The following ADGRG7 variants were observed in gnomAD, a reference collection of about 807,000 sequenced individuals.
ADGRG7 encodes G-protein coupled receptor 128.
A neutral mutation model predicts 88.6 loss-of-function variants in ADGRG7; 82 were observed. The observed-to-expected ratio is 0.93, with a 90% CI of 0.77 to 1.11. The LOEUF is 1.11. Among genes scored for constraint, ADGRG7 ranks in the 50% most tolerant of loss-of-function variants. ADGRG7 has a pLI of 0.00. For missense variants in ADGRG7, 945 were observed against 953.4 expected (o/e 0.99, Z 0.12); for synonymous variants, 381 against 345.2 (o/e 1.10, Z -1.15).
intron 13 of ADGRG7, among the ~76,000 whole-genome samples, chr3:100,657,520 T>G (rs772077067): frequency 6.6e-6 from 1 of 152,202 alleles, no homozygotes; most frequent in Non-Finnish European, 1.5e-5. Context: ...ACCACTGCTA[T>G]GTAGGCCATT....
intron 1 of ADGRG7, among the ~76,000 whole-genome samples, chr3:100,622,254 C>T (rs1707321715): frequency 8.9e-6 from 1 of 112,900 alleles, no homozygotes. Context: ...GTAAGTCTCT[C>T]TCTATATTCA....
At position 100,655,121 on chromosome 3, in the gene ADGRG7, A is replaced by ATAAG; in HGVS notation, c.1667_1670dup (p.Arg557SerfsTer41). On this transcript the variant is annotated frameshift_variant, in exon 12 of 16. Coordinates refer to ENST00000273352, the MANE Select transcript of ADGRG7 (RefSeq NM_032787.3). LOFTEE classifies it high-confidence loss of function. ...CGCTGCACAGCTCTATTACCTTCTAATAAGGACCATGAAGCCTCTTCCTCG... is the reference window on the plus strand; with the variant it reads ...CGCTGCACAGCTCTATTACCTTCTAATAAGTAAGGACCATGAAGCCTCTTCCTCG... 6.2e-7 allele frequency: 1 copy of ATAAG among 1,614,080 alleles called. No homozygotes were observed. The highest frequency in any genetic ancestry group is 1.1e-5 in the South Asian group (1 of 91,062).
intron 4 of ADGRG7, among the ~76,000 whole-genome samples, chr3:100,633,742 G>A (rs994757723): frequency 4.6e-5 from 7 of 152,044 alleles, no homozygotes; most frequent in African/African-American, 1.7e-4. Context: ...GGCTGGTCTC[G>A]AACTCCTGAC....
rs1032030156 is a variant in ADGRG7 at position 100,694,750 on chromosome 3, C to T, written c.2143C>T (p.Gln715Ter). The T allele has an allele frequency of 6.2e-7, 1 of 1,613,094 alleles. No individual in the cohort carries two copies. The highest frequency in any genetic ancestry group is 8.5e-7 in the Non-Finnish European group (1 of 1,179,312). The stretch of plus-strand genomic sequence containing the variant: ...ACTTTTGTTCTATCTGCAGGGATTG[C>T]AAATTTTTATCCTGTACACTGTTAG... ...FCLFNTTQGLQIFILYTVRTK... is the reference protein window; with the variant it reads ...FCLFNTTQGL The change falls in exon 16 of 16, where the codon CAA (glutamine) becomes TAA (stop). Residue 715 changes from glutamine (Q) to a stop codon, truncating the protein, a stop_gained. Coordinates refer to ENST00000273352, the MANE Select transcript of ADGRG7 (RefSeq NM_032787.3). LOFTEE classifies it high-confidence loss of function.
At position 100,635,831 on chromosome 3, in the gene ADGRG7, A is replaced by C; in HGVS notation, c.597+5A>C. The C allele has an allele frequency of 6.3e-7, 1 of 1,593,950 alleles. No homozygotes were observed. Among genetic ancestry groups the C allele is most frequent in the Non-Finnish European group, 8.5e-7 (1 of 1,174,980 alleles). On this transcript the variant is annotated splice_donor_5th_base_variant and intron_variant, in intron 5 of 15. Transcript: ENST00000273352. The stretch of plus-strand genomic sequence containing the variant: ...TCCAGAAATGCTTCACCTGAGGTAA[A>C]ACTCACAGAGCTTTAAAAAAAATTT...
intron 1 of ADGRG7, among the ~76,000 whole-genome samples, chr3:100,619,917 T>G: frequency 6.6e-6 from 1 of 152,150 alleles, no homozygotes; most frequent in East Asian, 1.9e-4. Flanking sequence ...CAATAATCAA[T>G]AGCTTACCAA....
intron 1 of ADGRG7, among the ~76,000 whole-genome samples, chr3:100,612,376 C>T (rs1707166480): frequency 6.6e-6 from 1 of 152,112 alleles, no homozygotes; most frequent in Non-Finnish European, 1.5e-5. Context: ...AGGTACTATG[C>T]TAAAAACTTA....
At position 100,693,612 on chromosome 3, in the gene ADGRG7, G is replaced by A. The variant is rs536990909; in HGVS notation, c.2137-1132G>A. ...CAAAAATAAACTCTTAAAAAGGTTGGGGCCCTATAGATGCTAATGTGGGAG... is the reference window on the plus strand; with the variant it reads ...CAAAAATAAACTCTTAAAAAGGTTGAGGCCCTATAGATGCTAATGTGGGAG... On this transcript the variant is annotated intron_variant, in intron 15 of 15. Transcript: ENST00000273352. Among the ~76,000 whole-genome samples, 12 of 152,176 alleles carry A rather than the reference G, an allele frequency of 7.9e-5. No individual in the cohort carries two copies. The East Asian group carries it at 2.3e-3, about 29-fold the overall frequency.
At chr3:100,614,905 A>G (rs531757771) in intron 1 of ADGRG7, among the ~76,000 whole-genome samples, 1 of 152,256 alleles carries the variant, frequency 6.6e-6, no homozygotes, top group Non-Finnish European at 1.5e-5. Context: ...TAGTAAAAAC[A>G]TTGAAAATAG....
chr3:100,688,063 T>C (rs527844326), intron 15 of ADGRG7, among the ~76,000 whole-genome samples: 5 of 152,212 alleles, frequency 3.3e-5, no homozygotes, highest in African/African-American at 1.2e-4. Context: ...GAGCCTGTTA[T>C]TGGTCTATTC....
intron 15 of ADGRG7, among the ~76,000 whole-genome samples, chr3:100,689,984 C>T (rs1199729934): frequency 6.6e-6 from 1 of 152,148 alleles, no homozygotes; most frequent in East Asian, 1.9e-4. Context: ...CAACTTGGTT[C>T]CTTTCTCCCC....
chr3:100,669,079 A>G lies in ADGRG7; in HGVS notation c.2110A>G (p.Ile704Val). The G allele has an allele frequency of 6.3e-7, 1 of 1,593,804 alleles. No homozygotes were observed. Among genetic ancestry groups the G allele is most frequent in the African/African-American group, 1.3e-5 (1 of 74,408 alleles). ...TAGCATCAGGATCGTCTTCAGCTAC[A>G]TATTCTGCCTTTTCAACACTACACA... Reference protein sequence around the residue: ...DDSIRIVFSYIFCLFNTTQGL... With the variant: ...DDSIRIVFSYVFCLFNTTQGL... The change falls in exon 15 of 16, where the codon ATA becomes GTA. Residue 704 changes from isoleucine (I) to valine (V), a missense_variant. Transcript: ENST00000273352.
At chr3:100,685,223 A>G (rs1183285004) in intron 15 of ADGRG7, among the ~76,000 whole-genome samples, 1 of 152,216 alleles carries the variant, frequency 6.6e-6, no homozygotes, top group African/African-American at 2.4e-5. Context: ...TTTAGATACT[A>G]TGACACATAA....
At chr3:100,682,199 T>C (rs936996538) in intron 15 of ADGRG7, among the ~76,000 whole-genome samples, 1 of 152,042 alleles carries the variant, frequency 6.6e-6, no homozygotes, top group Non-Finnish European at 1.5e-5. Context: ...GGAGCTGCCC[T>C]GATGGGGCCG....
At chr3:100,618,610 G>T (rs955761274) in intron 1 of ADGRG7, among the ~76,000 whole-genome samples, 9 of 152,114 alleles carry the variant, frequency 5.9e-5, no homozygotes, top group African/African-American at 2.2e-4. Context: ...TGCTGTTTTG[G>T]TTACTGTAGC....
At chr3:100,685,512 C>T (rs1280716374) in intron 15 of ADGRG7, among the ~76,000 whole-genome samples, 1 of 152,140 alleles carries the variant, frequency 6.6e-6, no homozygotes, top group Non-Finnish European at 1.5e-5. Context: ...TCTCCTAATG[C>T]TATCCCTTCC....
At chr3:100,630,289 T>C (rs931845312) in intron 2 of ADGRG7, among the ~76,000 whole-genome samples, 6 of 152,178 alleles carry the variant, frequency 3.9e-5, no homozygotes, top group Admixed American at 3.9e-4. Context: ...GAGCCCTAGA[T>C]ATCCACTGCT....
intron 3 of ADGRG7, among the ~76,000 whole-genome samples, chr3:100,632,728 A>C (rs1707474675): frequency 6.6e-6 from 1 of 152,186 alleles, no homozygotes; most frequent in South Asian, 2.1e-4. Context: ...TGTCCCTCTA[A>C]TTATGATTTT....
intron 9 of ADGRG7, 83 bp from the exon 10 acceptor site, chr3:100,646,486 A>T: frequency 9.6e-7 from 1 of 1,042,654 alleles, no homozygotes; most frequent in African/African-American, 1.6e-5. Flanking sequence ...CATTTCTCAG[A>T]TGACTGTCTT....
Sources: allele counts gnomAD v4.1 joint callset (sites outside exome capture counted in the v4.1 genomes callset), GRCh38; gene constraint gnomAD v4.1.1; transcripts MANE v1.5; gene names NCBI Gene and HGNC (gene_info 2026-07-23, HGNC 2026-07-21).